Variants in DSG2 observed in about 807,000 individuals in gnomAD.
The protein encoded by DSG2 is desmoglein-2.
DSG2 carries 45 observed loss-of-function variants against 75.6 expected under a neutral mutation model. The ratio of observed to expected loss-of-function variants is 0.60; its 90% CI spans 0.47 to 0.76. The LOEUF (loss-of-function observed/expected upper bound fraction) is 0.76. DSG2 is among the 30% of genes least tolerant of loss of function. The pLI, the probability that DSG2 is intolerant of heterozygous loss-of-function variation, is 0.00. For missense variants in DSG2, 1,267 were observed against 1,357.4 expected (o/e 0.93, Z 1.05); for synonymous variants, 429 against 483.9 (o/e 0.89, Z 1.49).
In DSG2 at chr18:31,548,825, TTTAA is replaced by T. The variant is rs2073333273; in HGVS notation, c.*2083_*2086del. On this transcript the variant is annotated 3_prime_UTR_variant, in exon 15 of 15. Transcript: ENST00000261590. ...TTTGTATATGTATCATCATAAAATA[TTTAA>T]ATAAAAAGTATCTTTAGAGTGACCC... 6.6e-6 allele frequency: 1 copy of T among 152,234 alleles called. No homozygotes were observed. Among genetic ancestry groups the T allele is most frequent in the African/African-American group, 2.4e-5 (1 of 41,452 alleles). 9.4% of individuals were successfully genotyped at this position (152,234 alleles called of 1,614,324 possible).
At position 31,541,622 on chromosome 18, in the gene DSG2, C is replaced by T. The variant is rs7233222; in HGVS notation, c.2001+308C>T. On this transcript the variant is annotated intron_variant, in intron 13 of 14. Coordinates refer to ENST00000261590, the MANE Select transcript of DSG2 (RefSeq NM_001943.5). ...AACATTAAATGGGCAGTTTTCATAA[C>T]CAGGAACTGCTTCATTTCCATTTCC... Among the ~76,000 whole-genome samples, 4,202 of 152,178 alleles carry T rather than the reference C, an allele frequency of 0.028. 207 individuals carry two copies. Among genetic ancestry groups the T allele is most frequent in the African/African-American group, 0.095 (3,926 of 41,478 alleles).
Position 31,546,528 on chromosome 18 carries a change from G to T in DSG2, c.3142G>T (p.Glu1048Ter), listed in dbSNP as rs959712497. ...AGTAGGACAGAATGTGACAGTGACAGAAAGAGTTCTAGCACCTGCTTCCAC... is the reference window on the plus strand; with the variant it reads ...AGTAGGACAGAATGTGACAGTGACATAAAGAGTTCTAGCACCTGCTTCCAC... Reference protein sequence around the residue: ...IAVGQNVTVTERVLAPASTLQ... With the variant: ...IAVGQNVTVT The change falls in exon 15 of 15, where the codon GAA (glutamate) becomes TAA (stop). Residue 1048 changes from glutamate (E) to a stop codon, truncating the protein, a stop_gained. Coordinates refer to ENST00000261590, the MANE Select transcript of DSG2 (RefSeq NM_001943.5). LOFTEE classifies it low-confidence loss of function (END_TRUNC). The T allele has an allele frequency of 1.2e-6, 2 of 1,614,142 alleles. No homozygotes were observed. Among genetic ancestry groups the T allele is most frequent in the South Asian group, 2.2e-5 (2 of 91,080 alleles).
At chr18:31,505,365 T>C (rs1440862053) in intron 1 of DSG2, among the ~76,000 whole-genome samples, 2 of 152,208 alleles carry the variant, frequency 1.3e-5, no homozygotes, top group Admixed American at 1.3e-4. Context: ...AAGGAAGTAA[T>C]CTTGCCTTTT....
intron 8 of DSG2, among the ~76,000 whole-genome samples, chr18:31,529,402 G>A (rs2073181294): frequency 6.6e-6 from 1 of 152,100 alleles, no homozygotes; most frequent in Admixed American, 6.6e-5. Flanking sequence ...TTCTCATCCG[G>A]CATATATCAT....
Position 31,498,273 on chromosome 18 carries a change from G to C in DSG2, c.22G>C (p.Ala8Pro). 1 of 1,263,876 alleles carries C rather than the reference G, an allele frequency of 7.9e-7. No homozygotes were observed. The highest frequency in any genetic ancestry group is 1.0e-6 in the Non-Finnish European group (1 of 1,000,266). 78.3% of individuals were successfully genotyped at this position (1,263,876 alleles called of 1,614,324 possible). The change falls in exon 1 of 15, where the codon GCG becomes CCG. Residue 8 changes from alanine (A) to proline (P), a missense_variant. By Grantham distance (27) the Ala-to-Pro change is conservative. Transcript: ENST00000261590. MARSPGR[A>P]YALLLLLICF... The stretch of plus-strand genomic sequence containing the variant: ...TGCGATGGCGCGGAGCCCGGGACGC[G>C]CGTACGCCCTGCTGCTTCTCCTGGT...
intron 1 of DSG2, among the ~76,000 whole-genome samples, chr18:31,514,369 A>G (rs2073082548): frequency 6.6e-6 from 1 of 152,200 alleles, no homozygotes; most frequent in South Asian, 2.1e-4. Flanking sequence ...ATGGGTGTGC[A>G]TGTTACTATT....
intron 11 of DSG2, among the ~76,000 whole-genome samples, chr18:31,538,018 G>T (rs78339168): frequency 1.1e-3 from 164 of 152,172 alleles, no homozygotes; most frequent in African/African-American, 3.8e-3. Context: ...AGAAGAAGAA[G>T]TGTAAGAGTG....
intron 8 of DSG2, among the ~76,000 whole-genome samples, chr18:31,527,207 C>T (rs1321162132): frequency 6.6e-6 from 1 of 152,084 alleles, no homozygotes; most frequent in African/African-American, 2.4e-5. Context: ...TTATAATTGC[C>T]TACAATATTC....
chr18:31,544,744 G>T (rs1257587465), intron 14 of DSG2, among the ~76,000 whole-genome samples: 1 of 152,116 alleles, frequency 6.6e-6, no homozygotes, highest in Non-Finnish European at 1.5e-5. Flanking sequence ...CTTTACTACA[G>T]ATCTTACAGA....
At chr18:31,525,816 T>G (rs1177821387) in intron 8 of DSG2, among the ~76,000 whole-genome samples, 3 of 152,152 alleles carry the variant, frequency 2.0e-5, no homozygotes, top group African/African-American at 7.2e-5. Context: ...AAAATTGAAC[T>G]AAATAGGGAT....
chr18:31,521,111 G>T lies in DSG2; in HGVS notation c.391G>T (p.Ala131Ser), dbSNP rs373542380. 1.2e-6 allele frequency: 2 copies of T among 1,613,910 alleles called. No individual in the cohort carries two copies. Among genetic ancestry groups the T allele is most frequent in the East Asian group, 2.2e-5 (1 of 44,842 alleles). ...GTCATGATTTCAGCTAACAGGTTAC[G>T]CTTTGGATGCAAGAGGAAACAATGT... ...ETPFFLLTGY[A>S]LDARGNNVEK... Residue 131 changes from alanine (A) to serine (S), a missense_variant, in exon 5 of 15, where the codon GCT (alanine) becomes TCT (serine). Transcript: ENST00000261590.
At chr18:31,499,370 G>GTA (rs1252425233) in intron 1 of DSG2, among the ~76,000 whole-genome samples, 1 of 151,740 alleles carries the variant, frequency 6.6e-6, no homozygotes, top group Non-Finnish European at 1.5e-5. Context: ...GTGTGTGTGT[G>GTA]TGTGTGTGTG....
At position 31,545,735 on chromosome 18, in the gene DSG2, C is replaced by A. The variant is rs1064793983; in HGVS notation, c.2349C>A (p.Tyr783Ter). Reference sequence around the variant, plus strand: ...TTTCATTTTAGAAAGCGGCCTCTTACACTGAGGAAGATGAAAATCACACAG... The same window carrying A: ...TTTCATTTTAGAAAGCGGCCTCTTAAACTGAGGAAGATGAAAATCACACAG... The part of the protein sequence containing the change: ...RNYFTDKAAS[Y>*]TEEDENHTAK... The change falls in exon 15 of 15, where the codon TAC becomes TAA. Residue 783 changes from tyrosine to a stop codon, truncating the protein, a stop_gained. Transcript: ENST00000261590. LOFTEE classifies it low-confidence loss of function (END_TRUNC). The A allele has an allele frequency of 1.2e-6, 2 of 1,613,872 alleles. No homozygotes were observed. Among genetic ancestry groups the A allele is most frequent in the Non-Finnish European group, 1.7e-6 (2 of 1,180,014 alleles).
In DSG2 at chr18:31,520,966, TAAG is replaced by T. The variant is rs2144315812; in HGVS notation, c.378+8_378+10del. On this transcript the variant is annotated splice_donor_5th_base_variant and intron_variant, in intron 4 of 14. Transcript: ENST00000261590. ...CGAGAAGAAACACCATTTTTTCTGG[TAAG>T]AAGAATAATTTTAGATTTATTAGTT... 1.9e-6 allele frequency: 3 copies of T among 1,613,164 alleles called. No homozygotes were observed. The highest frequency in any genetic ancestry group is 1.7e-6 in the Non-Finnish European group (2 of 1,179,604).
chr18:31,523,733 T>C (rs1167637555), intron 6 of DSG2, among the ~76,000 whole-genome samples: 2 of 152,190 alleles, frequency 1.3e-5, no homozygotes. Flanking sequence ...ATTCACTTAT[T>C]ATCCTCATCT....
chr18:31,542,891 G>A, intron 14 of DSG2, 39 bp downstream of exon 14: 1 of 1,028,876 alleles, frequency 9.7e-7, no homozygotes, highest in South Asian at 1.7e-5. Context: ...GGGGGGTGGG[G>A]GGAACATTTG....
rs2072994413 is a variant in DSG2, at chr18:31,498,279, G to A, written c.28G>A (p.Ala10Thr). 2.4e-6 allele frequency: 3 copies of A among 1,264,692 alleles called. No homozygotes were observed. The highest frequency in any genetic ancestry group is 3.1e-5 in the East Asian group (1 of 32,368). 78.3% of individuals were successfully genotyped at this position (1,264,692 alleles called of 1,614,324 possible). The change falls in exon 1 of 15, where the codon GCC becomes ACC. Residue 10 changes from alanine (A) to threonine (T), a missense_variant. Ala to Thr is a moderately conservative substitution (Grantham distance 58). Coordinates refer to ENST00000261590, the MANE Select transcript of DSG2 (RefSeq NM_001943.5). Reference sequence around the variant, plus strand: ...GGCGCGGAGCCCGGGACGCGCGTACGCCCTGCTGCTTCTCCTGGTAAGTGC... The same window carrying A: ...GGCGCGGAGCCCGGGACGCGCGTACACCCTGCTGCTTCTCCTGGTAAGTGC... Reference protein sequence around the residue: MARSPGRAYALLLLLICFNV... With the variant: MARSPGRAYTLLLLLICFNV...
At chr18:31,507,886 C>G (rs1348704203) in intron 1 of DSG2, among the ~76,000 whole-genome samples, 1 of 152,158 alleles carries the variant, frequency 6.6e-6, no homozygotes, top group Non-Finnish European at 1.5e-5. Context: ...TGCCTGTTCA[C>G]TCTGATGATG....
chr18:31,521,382 C>A, intron 5 of DSG2, 139 bp downstream of exon 5: 1 of 925,956 alleles, frequency 1.1e-6, no homozygotes, highest in Non-Finnish European at 1.6e-6. Context: ...CAGTTCAGAA[C>A]TGCTTTCCTT....
Sources: allele counts gnomAD v4.1 joint callset (sites outside exome capture counted in the v4.1 genomes callset), GRCh38; gene constraint gnomAD v4.1.1; transcripts MANE v1.5; gene names NCBI Gene and HGNC (gene_info 2026-07-23, HGNC 2026-07-21).